Variants in ZFP2 observed in about 807,000 individuals in gnomAD.
ZFP2 encodes zinc finger protein ZFP2.
ZFP2 carries 33 observed loss-of-function variants against 36.1 expected under a neutral mutation model. That is an observed-to-expected ratio of 0.92 (90% confidence interval 0.69 to 1.22). The LOEUF (loss-of-function observed/expected upper bound fraction) is 1.22. ZFP2 is among the 50% of genes most tolerant of loss of function. The probability of loss-of-function intolerance (pLI) is 0.00; values close to 1 mark genes in which losing one functional copy is unlikely to be tolerated. For missense variants in ZFP2, 522 were observed against 551.4 expected, an observed-to-expected ratio of 0.95 and a Z score of 0.53; for synonymous variants, 170 against 178.0, an observed-to-expected ratio of 0.96 and a Z score of 0.36.
At chr5:178,925,034 T>C (rs1758636972) in intron 4 of ZFP2, among the ~76,000 whole-genome samples, 1 of 146,572 alleles carries the variant, frequency 6.8e-6, no homozygotes, top group Admixed American at 6.9e-5. Context: ...CTCTTTATAC[T>C]ATTGCCATTT....
At chr5:178,929,759 G>A (rs1240113597) in intron 4 of ZFP2, among the ~76,000 whole-genome samples, 1 of 152,078 alleles carries the variant, frequency 6.6e-6, no homozygotes, top group African/African-American at 2.4e-5. Context: ...TTATTCCAAA[G>A]TCACCTCCAC....
Position 178,929,498 on chromosome 5 carries a change from A to G in ZFP2, c.-77-1739A>G, listed in dbSNP as rs1758772981. On this transcript the variant is annotated intron_variant, in intron 4 of 4. Transcript: ENST00000361362. The stretch of plus-strand genomic sequence containing the variant: ...ACCATTCTCTCAAGTTCAAAGTTCC[A>G]CAGATCCCTAGGGCAGGGGCACAGT... Among the ~76,000 whole-genome samples, 4 of 152,168 alleles carry G rather than the reference A, an allele frequency of 2.6e-5. No individual in the cohort carries two copies. The South Asian group carries it at 8.3e-4, about 32-fold the overall frequency.
At chr5:178,899,951 T>A (rs753013181) in intron 1 of ZFP2, among the ~76,000 whole-genome samples, 26 of 152,148 alleles carry the variant, frequency 1.7e-4, no homozygotes, top group Non-Finnish European at 3.2e-4. Flanking sequence ...TATAAACTGT[T>A]GTGATTTCCA....
rs142547325 is a variant in ZFP2 at position 178,919,804 on chromosome 5, A to G, written c.-78+3094A>G. 5.1e-4 allele frequency among the ~76,000 whole-genome samples: 78 copies of G among 152,218 alleles called. No individual in the cohort carries two copies. In the South Asian group the frequency reaches 0.011, roughly 21 times the overall value. On this transcript the variant is annotated intron_variant, in intron 4 of 4. Coordinates refer to ENST00000361362, the MANE Select transcript of ZFP2 (RefSeq NM_030613.4). Reference sequence around the variant, plus strand: ...TGGCGAAACCCTTTCTCTGCAAAAAATACAAAACTACCTGGGTGTGGTAGT... The same window carrying G: ...TGGCGAAACCCTTTCTCTGCAAAAAGTACAAAACTACCTGGGTGTGGTAGT...
At chr5:178,922,445 TTA>T in intron 4 of ZFP2, 1 of 1,377,780 alleles carries the variant, frequency 7.3e-7, no homozygotes, top group South Asian at 1.2e-5. Flanking sequence ...TGTGCCTTAC[TTA>T]TGTTTGTTAG....
At chr5:178,923,689 G>A (rs1554107061) in intron 4 of ZFP2, among the ~76,000 whole-genome samples, 1 of 148,410 alleles carries the variant, frequency 6.7e-6, no homozygotes, top group South Asian at 2.1e-4. Context: ...ATTGTCTTTC[G>A]GCATCCTGTG....
intron 1 of ZFP2, 33 bp from the exon 2 acceptor site, chr5:178,912,551 G>C (rs1428339342): frequency 3.0e-6 from 2 of 659,386 alleles, no homozygotes; most frequent in African/African-American, 2.0e-5. Context: ...CAGAGGGTTT[G>C]GTTGGCATAA....
chr5:178,898,831 C>T (rs1030211394), intron 1 of ZFP2, among the ~76,000 whole-genome samples: 1 of 152,224 alleles, frequency 6.6e-6, no homozygotes, highest in African/African-American at 2.4e-5. Flanking sequence ...GCCACTTACT[C>T]AGCTGGATAC....
intron 1 of ZFP2, among the ~76,000 whole-genome samples, chr5:178,908,743 A>G (rs1758226324): frequency 6.6e-6 from 1 of 152,122 alleles, no homozygotes; most frequent in African/African-American, 2.4e-5. Flanking sequence ...CCAAAACAAG[A>G]AATAACCAAA....
chr5:178,922,466 C>T, intron 4 of ZFP2: 1 of 1,379,118 alleles, frequency 7.3e-7, no homozygotes, highest in Admixed American at 1.7e-5. Flanking sequence ...AGGACCAAAC[C>T]TCAAAGCATG....
At chr5:178,913,395 A>G (rs998015505) in intron 3 of ZFP2, among the ~76,000 whole-genome samples, 1 of 152,284 alleles carries the variant, frequency 6.6e-6, no homozygotes, top group East Asian at 1.9e-4. Context: ...GTCTTTACGC[A>G]TCTTCTCTGG....
rs762063738 is a variant in ZFP2, at chr5:178,931,499, T to A, written c.186T>A (p.Asp62Glu). ...GTTCCAGTCAGGATTCAATCCTTGA[T>A]ACACAGCAAAGCATTCCTATGGTAA... ...ERCSSQDSIL[D>E]TQQSIPMVKR... is the part of the protein sequence containing the mutation. Residue 62 changes from aspartate to glutamate, a missense_variant, in exon 5 of 5, where the codon GAT becomes GAA. Physicochemically the swap from Asp to Glu is conservative, Grantham distance 45. Coordinates refer to ENST00000361362, the MANE Select transcript of ZFP2 (RefSeq NM_030613.4). The A allele has an allele frequency of 5.0e-6, 8 of 1,614,166 alleles. No homozygotes were observed. The highest frequency in any genetic ancestry group is 6.8e-6 in the Non-Finnish European group (8 of 1,180,028).
chr5:178,910,383 G>A (rs1758268357), intron 1 of ZFP2: 2 of 977,556 alleles, frequency 2.0e-6, no homozygotes, highest in African/African-American at 1.6e-5. Flanking sequence ...ACTGGAGTTG[G>A]ACTCCCTCCC....
At chr5:178,903,578 G>A (rs1449166197) in intron 1 of ZFP2, among the ~76,000 whole-genome samples, 1 of 152,134 alleles carries the variant, frequency 6.6e-6, no homozygotes, top group Non-Finnish European at 1.5e-5. Flanking sequence ...ATTCTGTCAT[G>A]TTTCTTTTAA....
At chr5:178,922,534 C>G in intron 4 of ZFP2, 1 of 1,404,482 alleles carries the variant, frequency 7.1e-7, no homozygotes, top group Non-Finnish European at 1.0e-6. Context: ...GTCTCCAGAT[C>G]ACTGCAATGT....
chr5:178,920,737 A>G (rs529491725), intron 4 of ZFP2, among the ~76,000 whole-genome samples: 47 of 152,080 alleles, frequency 3.1e-4, no homozygotes, highest in African/African-American at 1.1e-3. Flanking sequence ...CCATTTCTTT[A>G]GAGTGTGTTC....
chr5:178,927,704 TGTGTGTG>T (rs1378963676), intron 4 of ZFP2, among the ~76,000 whole-genome samples: 11 of 149,758 alleles, frequency 7.3e-5, no homozygotes, highest in Non-Finnish European at 8.9e-5. Flanking sequence ...TGTGTGTGTG[TGTGTGTG>T]TTTTAGTAGA....
chr5:178,917,744 A>G (rs1040254334), intron 4 of ZFP2, among the ~76,000 whole-genome samples: 5 of 152,250 alleles, frequency 3.3e-5, no homozygotes, highest in Admixed American at 6.5e-5. Flanking sequence ...AAGAGTCTCT[A>G]TCTGCCTGCA....
chr5:178,920,060 G>C (rs1426435796), intron 4 of ZFP2, among the ~76,000 whole-genome samples: 1 of 152,072 alleles, frequency 6.6e-6, no homozygotes, highest in Non-Finnish European at 1.5e-5. Flanking sequence ...TCAAATATAA[G>C]CTTTTAACCA....
Sources: allele counts gnomAD v4.1 joint callset (sites outside exome capture counted in the v4.1 genomes callset), GRCh38; gene constraint gnomAD v4.1.1; transcripts MANE v1.5; gene names NCBI Gene and HGNC (gene_info 2026-07-23, HGNC 2026-07-21).